Variants in NOS1AP observed in about 807,000 individuals in gnomAD.
NOS1AP encodes nitric oxide synthase 1 adaptor protein, also known as carboxyl-terminal PDZ ligand of neuronal nitric oxide synthase protein.
In NOS1AP, 21 loss-of-function variants were observed where a neutral mutation model predicts 56.2. The observed-to-expected ratio is 0.37, with a 90% confidence interval of 0.26 to 0.54. The LOEUF is 0.54. Among genes scored for constraint, NOS1AP ranks in the 20% least tolerant of loss-of-function variants. The pLI is 0.84. For synonymous variants in NOS1AP, 270 were observed against 274.6 expected (o/e 0.98, Z 0.17); for missense variants, 522 against 657.8 (o/e 0.79, Z 2.26).
At chr1:162,164,893 C>T (rs751690981) in intron 2 of NOS1AP, among the ~76,000 whole-genome samples, 2 of 152,184 alleles carry the variant, frequency 1.3e-5, no homozygotes, top group Non-Finnish European at 2.9e-5. Flanking sequence ...CTGAAAGGCC[C>T]TGATTTCTCA....
chr1:162,096,361 G>T (rs1692240425), intron 1 of NOS1AP, among the ~76,000 whole-genome samples: 1 of 152,158 alleles, frequency 6.6e-6, no homozygotes, highest in African/African-American at 2.4e-5. Context: ...GTGTCTTCCA[G>T]TGTAACTTTA....
chr1:162,099,835 A>C (rs1254520391), intron 1 of NOS1AP, among the ~76,000 whole-genome samples: 2 of 149,876 alleles, frequency 1.3e-5, no homozygotes, highest in Non-Finnish European at 3.0e-5. Context: ...TCCTGTGTCC[A>C]TGTGTTCTCA....
intron 1 of NOS1AP, among the ~76,000 whole-genome samples, chr1:162,142,443 G>A (rs1440082095): frequency 6.6e-6 from 1 of 152,040 alleles, no homozygotes; most frequent in Non-Finnish European, 1.5e-5. Context: ...AATCATGAAA[G>A]GGTATGAAAG....
intron 2 of NOS1AP, among the ~76,000 whole-genome samples, chr1:162,228,965 T>C (rs1653033130): frequency 6.6e-6 from 1 of 152,300 alleles, no homozygotes; most frequent in East Asian, 1.9e-4. Flanking sequence ...TTGAAATAAA[T>C]AGATAATAAG....
At chr1:162,204,105 A>G (rs1652084480) in intron 2 of NOS1AP, among the ~76,000 whole-genome samples, 1 of 152,176 alleles carries the variant, frequency 6.6e-6, no homozygotes, top group African/African-American at 2.4e-5. Flanking sequence ...TGCTGCTTCA[A>G]CCCTGCAATA....
intron 2 of NOS1AP, among the ~76,000 whole-genome samples, chr1:162,203,904 A>T (rs1250725089): frequency 6.6e-6 from 1 of 152,216 alleles, no homozygotes; most frequent in Non-Finnish European, 1.5e-5. Flanking sequence ...GGGTCAGCCC[A>T]TAAAGATCTG....
intron 1 of NOS1AP, among the ~76,000 whole-genome samples, chr1:162,075,640 A>C (rs1691750666): frequency 6.6e-6 from 1 of 152,170 alleles, no homozygotes; most frequent in Admixed American, 6.5e-5. Flanking sequence ...CCTGTCTTCC[A>C]GGGTTCTGGA....
At chr1:162,165,261 C>T (rs796390543) in intron 2 of NOS1AP, among the ~76,000 whole-genome samples, 4 of 152,078 alleles carry the variant, frequency 2.6e-5, no homozygotes, top group Admixed American at 6.5e-5. Flanking sequence ...GCAGGGGTTG[C>T]GGTGAGCCAA....
chr1:162,193,041 A>G (rs763574589), intron 2 of NOS1AP, among the ~76,000 whole-genome samples: 3 of 152,156 alleles, frequency 2.0e-5, no homozygotes, highest in Non-Finnish European at 2.9e-5. Context: ...CTGTGATGAG[A>G]GAACTCACTG....
At chr1:162,159,307 G>A (rs535953896) in intron 2 of NOS1AP, among the ~76,000 whole-genome samples, 97 of 152,230 alleles carry the variant, frequency 6.4e-4, no homozygotes, top group Non-Finnish European at 1.0e-3. Context: ...TGTAACTGCT[G>A]TTAATCTCAG....
At chr1:162,326,597 G>A (rs1194150116) in intron 4 of NOS1AP, among the ~76,000 whole-genome samples, 1 of 152,170 alleles carries the variant, frequency 6.6e-6, no homozygotes, top group Non-Finnish European at 1.5e-5. Flanking sequence ...TGGGAAGGTG[G>A]AGACCCAGGA....
intron 4 of NOS1AP, among the ~76,000 whole-genome samples, chr1:162,321,742 A>C (rs981175684): frequency 3.4e-5 from 5 of 147,598 alleles, no homozygotes; most frequent in Admixed American, 1.3e-4. Context: ...ATATATATAT[A>C]TATATATATA....
At chr1:162,161,236 G>C (rs563746351) in intron 2 of NOS1AP, among the ~76,000 whole-genome samples, 3 of 152,158 alleles carry the variant, frequency 2.0e-5, no homozygotes, top group African/African-American at 7.2e-5. Flanking sequence ...GTCATGTGAG[G>C]TAACACATTC....
At chr1:162,212,989 C>T (rs952089185) in intron 2 of NOS1AP, among the ~76,000 whole-genome samples, 1 of 152,182 alleles carries the variant, frequency 6.6e-6, no homozygotes, top group Non-Finnish European at 1.5e-5. Flanking sequence ...GGATCTTGCC[C>T]AGGGTAACCA....
chr1:162,336,300 T>G (rs1223098779), intron 5 of NOS1AP, among the ~76,000 whole-genome samples: 1 of 152,176 alleles, frequency 6.6e-6, no homozygotes, highest in Non-Finnish European at 1.5e-5. Flanking sequence ...AGGTACATAA[T>G]GTGTGTAAAG....
chr1:162,187,018 G>A (rs928654944), intron 2 of NOS1AP, among the ~76,000 whole-genome samples: 36 of 152,152 alleles, frequency 2.4e-4, no homozygotes, highest in African/African-American at 7.2e-4. Context: ...CCAGGCTGTA[G>A]TGGAGTGACC....
At chr1:162,207,897 A>C (rs1652212476) in intron 2 of NOS1AP, among the ~76,000 whole-genome samples, 1 of 152,228 alleles carries the variant, frequency 6.6e-6, no homozygotes, top group Admixed American at 6.5e-5. Context: ...AATAAAGTTT[A>C]TTTTAAAAGC....
intron 3 of NOS1AP, among the ~76,000 whole-genome samples, chr1:162,292,256 A>G (rs563254230): frequency 2.8e-4 from 42 of 152,302 alleles, no homozygotes; most frequent in Middle Eastern, 6.8e-3. Context: ...TCTTTCCCCC[A>G]TAGTTTGTTA....
chr1:162,161,751 T>A (rs149596035), intron 2 of NOS1AP, among the ~76,000 whole-genome samples: 2,944 of 152,244 alleles, frequency 0.019, 57 homozygotes, highest in South Asian at 0.04. Flanking sequence ...GCTAATTTTT[T>A]AAATTATTTG....
Sources: allele counts gnomAD v4.1 joint callset (sites outside exome capture counted in the v4.1 genomes callset), GRCh38; gene constraint gnomAD v4.1.1; transcripts MANE v1.5; gene names NCBI Gene and HGNC (gene_info 2026-07-23, HGNC 2026-07-21).